RPS6KA2: variants seen among roughly 807,000 people sequenced by gnomAD.
RPS6KA2 encodes ribosomal protein S6 kinase A2.
In RPS6KA2, 42 loss-of-function variants were observed where a neutral mutation model predicts 91.8. The observed-to-expected ratio is 0.46, with a 90% CI of 0.36 to 0.59. The LOEUF (loss-of-function observed/expected upper bound fraction) is 0.59. RPS6KA2 is among the 20% of genes least tolerant of loss of function. The pLI is 0.00. For missense variants in RPS6KA2, 798 were observed against 978.5 expected (o/e 0.82, Z 2.46); for synonymous variants, 414 against 393.6 (o/e 1.05, Z -0.61).
rs149554063 is a variant in RPS6KA2, at chr6:166,638,226, C to T, written c.124-99442G>A. 8.7e-3 allele frequency among the ~76,000 whole-genome samples: 1,331 copies of T among 152,356 alleles called. 5 individuals are homozygous for T. The highest frequency in any genetic ancestry group is 0.013 in the Non-Finnish European group (872 of 68,036). On this transcript the variant is annotated intron_variant, in intron 2 of 21. Coordinates refer to the RPS6KA2 transcript ENST00000503859. ...GACACAGCTCCAAGGAGCGCAAGCTCGCAATCACTGTGCGCAAAATCCACA... is the reference window on the plus strand; with the variant it reads ...GACACAGCTCCAAGGAGCGCAAGCTTGCAATCACTGTGCGCAAAATCCACA...
intron 1 of RPS6KA2, among the ~76,000 whole-genome samples, chr6:166,589,079 G>C (rs1785277448): frequency 6.6e-6 from 1 of 152,312 alleles, no homozygotes; most frequent in South Asian, 2.1e-4. Context: ...CATTGGGGTT[G>C]CCACTACTCT....
chr6:166,491,309 C>T (rs973721852), intron 8 of RPS6KA2, among the ~76,000 whole-genome samples: 5 of 152,168 alleles, frequency 3.3e-5, no homozygotes, highest in African/African-American at 9.7e-5. Context: ...TATTACTGGA[C>T]ACCTGCCAGG....
Position 166,418,193 on chromosome 6 carries a change from T to C in RPS6KA2, c.1938+32A>G. On this transcript the variant is annotated intron_variant, in intron 19 of 20. Transcript: ENST00000265678. The surrounding 1 kb of genome is among the most constrained non-coding windows in gnomAD (Gnocchi z 4.9). ...TCATATGGCTATTTCAGAATCTGAA[T>C]ATTTAAAAGCAACGCTGGGACATGT... The C allele has an allele frequency of 7.1e-7, 1 of 1,401,288 alleles. No homozygotes were observed. The highest frequency in any genetic ancestry group is 1.0e-6 in the Non-Finnish European group (1 of 996,208). The allele number at this position is 1,401,288 out of a possible 1,614,324, so 86.8% of individuals were successfully genotyped here. A position where few individuals can be genotyped will look rare whatever the true frequency, so the allele number is the denominator to read the frequency against.
intron 5 of RPS6KA2, 114 bp from the exon 6 acceptor site, chr6:166,504,726 T>C: frequency 1.4e-6 from 1 of 692,994 alleles, no homozygotes; most frequent in South Asian, 1.9e-5. Context: ...GTCAGTTTGC[T>C]CTGTGGAACG....
chr6:166,538,521 G>C (rs1423313341), intron 2 of RPS6KA2, 147 bp downstream of exon 2: 4 of 513,674 alleles, frequency 7.8e-6, no homozygotes, highest in South Asian at 3.0e-5. Context: ...GCTGTGCAAA[G>C]TGAGACCCCG....
chr6:166,529,196 A>G (rs548828713), intron 3 of RPS6KA2, among the ~76,000 whole-genome samples: 3 of 152,372 alleles, frequency 2.0e-5, no homozygotes, highest in African/African-American at 4.8e-5. Context: ...GATAGACTGG[A>G]TTAAGAAAAT....
chr6:166,467,651 G>A (rs1780594236), intron 11 of RPS6KA2, among the ~76,000 whole-genome samples: 1 of 152,208 alleles, frequency 6.6e-6, no homozygotes, highest in Non-Finnish European at 1.5e-5. Flanking sequence ...GGCATGGGAA[G>A]GAGGCTCCGT....
chr6:166,846,300 A>C (rs560955690), intron 2 of RPS6KA2, among the ~76,000 whole-genome samples: 10 of 152,320 alleles, frequency 6.6e-5, no homozygotes, highest in African/African-American at 2.2e-4. Context: ...AATTGGAACC[A>C]AGCCTATTGA....
chr6:166,751,742 T>C (rs553712488), intron 2 of RPS6KA2, among the ~76,000 whole-genome samples: 2 of 152,368 alleles, frequency 1.3e-5, no homozygotes, highest in East Asian at 1.9e-4. Flanking sequence ...TGAAGTCCAA[T>C]AGTCAGCCGA....
At chr6:166,746,765 T>C (rs1460869233) in intron 2 of RPS6KA2, among the ~76,000 whole-genome samples, 5 of 152,122 alleles carry the variant, frequency 3.3e-5, no homozygotes, top group Non-Finnish European at 5.9e-5. Context: ...GGGGTTCCTA[T>C]TGAAGGGGTT....
chr6:166,697,147 TTTTG>T (rs1789383568), intron 2 of RPS6KA2, among the ~76,000 whole-genome samples: 1 of 152,106 alleles, frequency 6.6e-6, no homozygotes. Context: ...ATCCTATCGG[TTTTG>T]TTTCTCTGGT....
At chr6:166,862,489 T>C in exon 1 of RPS6KA2, 1 of 741,740 alleles carries the variant, frequency 1.3e-6, no homozygotes, top group Non-Finnish European at 1.9e-6. Context: ...GGGACGGCGC[T>C]GCGGCTTCGG....
intron 2 of RPS6KA2, among the ~76,000 whole-genome samples, chr6:166,854,489 AT>A (rs5881720): frequency 0.58 from 88,725 of 152,096 alleles, 29,842 homozygotes; most frequent in Non-Finnish European, 0.75. Flanking sequence ...TCACCTTTTT[AT>A]TCTTTTCCAT....
chr6:166,604,679 G>A (rs1785879561), intron 1 of RPS6KA2, among the ~76,000 whole-genome samples: 1 of 152,176 alleles, frequency 6.6e-6, no homozygotes, highest in South Asian at 2.1e-4. Flanking sequence ...TCAGAACATG[G>A]GGCGCCTGAT....
chr6:166,679,664 G>A (rs1160540153), intron 2 of RPS6KA2, among the ~76,000 whole-genome samples: 1 of 152,176 alleles, frequency 6.6e-6, no homozygotes, highest in Non-Finnish European at 1.5e-5. Context: ...GGCCGCGCTC[G>A]AGGAGCCCTT....
chr6:166,430,916 GTTAT>G (rs1364709086), intron 15 of RPS6KA2, among the ~76,000 whole-genome samples: 4 of 151,884 alleles, frequency 2.6e-5, no homozygotes, highest in African/African-American at 7.3e-5. Context: ...GGAGATATTT[GTTAT>G]TTATTTATTA....
intron 2 of RPS6KA2, among the ~76,000 whole-genome samples, chr6:166,680,932 C>T (rs1232403210): frequency 6.6e-6 from 1 of 152,206 alleles, no homozygotes; most frequent in African/African-American, 2.4e-5. Flanking sequence ...CTGCCCCTCT[C>T]CTCCCATTTT....
chr6:166,853,595 G>A (rs1294996000), intron 2 of RPS6KA2, among the ~76,000 whole-genome samples: 3 of 149,294 alleles, frequency 2.0e-5, no homozygotes, highest in Admixed American at 1.3e-4. Context: ...CGCAGCCGCC[G>A]CCACGTCCTA....
chr6:166,786,471 C>A (rs1442626423), intron 2 of RPS6KA2, among the ~76,000 whole-genome samples: 1 of 150,252 alleles, frequency 6.7e-6, no homozygotes, highest in Non-Finnish European at 1.5e-5. Flanking sequence ...CAAAATAATT[C>A]ATGAATGATA....
Sources: gnomAD v4.1 joint callset for allele counts (sites outside exome capture counted in the v4.1 genomes callset) on GRCh38, gnomAD v4.1.1 for gene constraint, Gnocchi (gnomAD v3.1) non-coding constraint, MANE v1.5 for transcripts, NCBI Gene and HGNC (gene_info 2026-07-23, HGNC 2026-07-21) for gene names.